JHY: variants seen among roughly 807,000 people sequenced by gnomAD.
JHY encodes the protein jhy protein homolog.
In JHY, 69 loss-of-function variants were observed where a neutral mutation model predicts 78.0. The ratio of observed to expected loss-of-function variants is 0.88; its 90% CI spans 0.73 to 1.08. JHY has a LOEUF of 1.08. Ranked by LOEUF, JHY falls within the 50% of genes least tolerant of loss-of-function variation. JHY has a pLI of 0.00. For missense variants in JHY, 944 were observed against 927.8 expected (o/e 1.02, Z -0.23); for synonymous variants, 368 against 342.6 (o/e 1.07, Z -0.82).
intron 2 of JHY, among the ~76,000 whole-genome samples, chr11:122,901,889 T>A (rs58087381): frequency 0.061 from 8,469 of 138,316 alleles, 777 homozygotes; most frequent in African/African-American, 0.2. Flanking sequence ...AAAAAAAAAT[T>A]TTTATTTTTT....
At chr11:122,925,901 C>T (rs1456564631) in intron 4 of JHY, among the ~76,000 whole-genome samples, 2 of 151,976 alleles carry the variant, frequency 1.3e-5, no homozygotes, top group Non-Finnish European at 2.9e-5. Context: ...CCTATAGTTC[C>T]AGCTATTCAG....
chr11:122,932,795 T>C (rs778851271), intron 4 of JHY, among the ~76,000 whole-genome samples: 3 of 152,184 alleles, frequency 2.0e-5, no homozygotes, highest in Non-Finnish European at 2.9e-5. Context: ...TGCAGAGCCT[T>C]CCTGCCCGCA....
intron 2 of JHY, among the ~76,000 whole-genome samples, chr11:122,888,509 G>T (rs1002380066): frequency 6.6e-6 from 1 of 152,034 alleles, no homozygotes; most frequent in Non-Finnish European, 1.5e-5. Context: ...ATAGTGCTTG[G>T]AGGATGTCCT....
intron 3 of JHY, among the ~76,000 whole-genome samples, chr11:122,906,895 T>C (rs554355327): frequency 6.6e-6 from 1 of 152,364 alleles, no homozygotes; most frequent in East Asian, 1.9e-4. Flanking sequence ...AGTTCAAATA[T>C]CTAAAGGCTA....
At chr11:122,905,297 G>A in intron 3 of JHY, 1 of 1,610,440 alleles carries the variant, frequency 6.2e-7, no homozygotes, top group South Asian at 1.1e-5. Context: ...CATGTCCAGG[G>A]ATACAGGACA....
chr11:122,962,042 C>CA lies in JHY; in HGVS notation c.*2598dup, dbSNP rs1156497981. On this transcript the variant is annotated 3_prime_UTR_variant, in exon 9 of 9. Coordinates refer to ENST00000227349, the MANE Select transcript of JHY (RefSeq NM_024806.4). ...ATTGTCAAATGTGTGTTTTCACACA[C>CA]ACAAAAATAGATAAGACAAAAGCAT... 8.4e-4 allele frequency among the ~76,000 whole-genome samples: 126 copies of CA among 149,768 alleles called. 1 individual carries two copies. The highest frequency in any genetic ancestry group is 6.8e-3 in the Middle Eastern group (2 of 292).
At chr11:122,884,407 T>G (rs1862450971) in intron 1 of JHY, among the ~76,000 whole-genome samples, 1 of 151,768 alleles carries the variant, frequency 6.6e-6, no homozygotes, top group Non-Finnish European at 1.5e-5. Flanking sequence ...TACAGCAATT[T>G]CTAATGGTAA....
intron 5 of JHY, among the ~76,000 whole-genome samples, chr11:122,943,597 A>T (rs1226251103): frequency 2.0e-5 from 3 of 152,058 alleles, no homozygotes; most frequent in African/African-American, 7.2e-5. Context: ...AATTCCATTA[A>T]TTTTTGCTTT....
rs955951310 is a variant in JHY at position 122,904,335 on chromosome 11, A to G, written c.755A>G (p.Lys252Arg). The change falls in exon 3 of 9, where the codon AAA becomes AGA. Residue 252 changes from lysine to arginine, a missense_variant. By Grantham distance (26) the Lys-to-Arg change is conservative. Coordinates refer to ENST00000227349, the MANE Select transcript of JHY (RefSeq NM_024806.4). The part of the protein sequence containing the change: ...GSRGPRRRKS[K>R]QHFVEKNKLT... Reference sequence around the variant, plus strand: ...CGTGGCCCTCGGCGAAGGAAATCCAAACAACATTTTGTGGAAAAAAACAAG... The same window carrying G: ...CGTGGCCCTCGGCGAAGGAAATCCAGACAACATTTTGTGGAAAAAAACAAG... 3.1e-6 allele frequency: 5 copies of G among 1,614,114 alleles called. No homozygotes were observed. Among genetic ancestry groups the G allele is most frequent in the Non-Finnish European group, 3.4e-6 (4 of 1,179,968 alleles).
intron 3 of JHY, among the ~76,000 whole-genome samples, chr11:122,922,373 A>T (rs1863385526): frequency 6.6e-6 from 1 of 152,226 alleles, no homozygotes; most frequent in Non-Finnish European, 1.5e-5. Context: ...AATAAAAGAA[A>T]GAAAATGTTG....
rs952477869 is a variant in JHY, at chr11:122,961,314, T to G, written c.*1869T>G. 8.9e-6 allele frequency among the ~76,000 whole-genome samples: 1 copy of G among 112,568 alleles called. No individual in the cohort carries two copies. The highest frequency in any genetic ancestry group is 2.2e-5 in the Non-Finnish European group (1 of 46,030). The allele number at this position is 112,568 out of a possible 152,430, so 73.8% of individuals were successfully genotyped here. A position where few individuals can be genotyped will look rare whatever the true frequency, so the allele number is the denominator to read the frequency against. ...GAGTTGTTCCATGATCATTTTTTTA[T>G]TGTTGTTTTTTTTGCTGTTGTTGTT... On this transcript the variant is annotated 3_prime_UTR_variant, in exon 9 of 9. Transcript: ENST00000227349.
chr11:122,952,303 G>A (rs946922783), intron 6 of JHY, among the ~76,000 whole-genome samples: 3 of 152,148 alleles, frequency 2.0e-5, no homozygotes, highest in Non-Finnish European at 4.4e-5. Context: ...TTTGTGGTAT[G>A]TGAATTATAT....
At chr11:122,905,006 A>G (rs550017929) in intron 3 of JHY, among the ~76,000 whole-genome samples, 1 of 152,074 alleles carries the variant, frequency 6.6e-6, no homozygotes, top group Non-Finnish European at 1.5e-5. Flanking sequence ...TGGGTAGGGT[A>G]CAACATAAGG....
Position 122,960,701 on chromosome 11 carries a change from T to C in JHY, c.*1256T>C. 2.4e-6 allele frequency: 1 copy of C among 411,562 alleles called. No homozygotes were observed. The highest frequency in any genetic ancestry group is 2.3e-5 in the South Asian group (1 of 43,062). 25.5% of individuals were successfully genotyped at this position (411,562 alleles called of 1,614,324 possible). On this transcript the variant is annotated 3_prime_UTR_variant, in exon 9 of 9. Coordinates refer to ENST00000227349, the MANE Select transcript of JHY (RefSeq NM_024806.4). Reference sequence around the variant, plus strand: ...AATATGGTGCCTCTATTGGAGAATCTGCTTATCAACTCAATGAGCAAAACA... The same window carrying C: ...AATATGGTGCCTCTATTGGAGAATCCGCTTATCAACTCAATGAGCAAAACA...
chr11:122,934,930 A>G lies in JHY; in HGVS notation c.1489A>G (p.Asn497Asp), dbSNP rs1363706586. The G allele has an allele frequency of 1.2e-6, 2 of 1,614,196 alleles. No homozygotes were observed. Among genetic ancestry groups the G allele is most frequent in the South Asian group, 2.2e-5 (2 of 91,080 alleles). Residue 497 changes from asparagine to aspartate, a missense_variant, in exon 5 of 9, where the codon AAT becomes GAT. Transcript: ENST00000227349. The stretch of plus-strand genomic sequence containing the variant: ...TTCTGACATGGATTTGAACAACCTT[A>G]ATGAACTTTCTAAGAGACACGTGCT... The part of the protein sequence containing the change: ...TLSDMDLNNL[N>D]ELSKRHVLLS...
chr11:122,890,067 T>C (rs1267017579), intron 2 of JHY, among the ~76,000 whole-genome samples: 1 of 137,938 alleles, frequency 7.2e-6, no homozygotes, highest in Admixed American at 7.3e-5. Flanking sequence ...GTTTTTTTTT[T>C]TCCAACGAAA....
chr11:122,926,744 A>G (rs1283706426), intron 4 of JHY, among the ~76,000 whole-genome samples: 4 of 152,180 alleles, frequency 2.6e-5, no homozygotes, highest in Admixed American at 2.6e-4. Context: ...ACGAGAGATG[A>G]ATTTCTGGGC....
At chr11:122,951,494 T>G (rs999709715) in intron 6 of JHY, among the ~76,000 whole-genome samples, 1 of 152,220 alleles carries the variant, frequency 6.6e-6, no homozygotes, top group Admixed American at 6.5e-5. Context: ...TTCCTTCACT[T>G]GCTGTTCCAC....
chr11:122,930,073 TAG>T (rs1863604908), intron 4 of JHY, among the ~76,000 whole-genome samples: 2 of 152,110 alleles, frequency 1.3e-5, no homozygotes, highest in Non-Finnish European at 2.9e-5. Flanking sequence ...GAGAAAGAGA[TAG>T]ATTTTTCTTT....
Sources: allele counts gnomAD v4.1 joint callset (sites outside exome capture counted in the v4.1 genomes callset), GRCh38; gene constraint gnomAD v4.1.1; transcripts MANE v1.5; gene names NCBI Gene and HGNC (gene_info 2026-07-23, HGNC 2026-07-21).